Variants in SLC24A4 observed in about 807,000 individuals in gnomAD.
SLC24A4 encodes the protein solute carrier family 24 member 4, also known as sodium/potassium/calcium exchanger 4.
SLC24A4 carries 53 observed loss-of-function variants against 79.0 expected under a neutral mutation model. The observed-to-expected ratio is 0.67, with a 90% CI of 0.54 to 0.84. The LOEUF (loss-of-function observed/expected upper bound fraction) is 0.84. SLC24A4 is among the 40% of genes least tolerant of loss of function. The pLI is 0.00. For synonymous variants in SLC24A4, 323 were observed against 323.8 expected (o/e 1.00, Z 0.03); for missense variants, 731 against 822.0 (o/e 0.89, Z 1.35).
intron 2 of SLC24A4, among the ~76,000 whole-genome samples, chr14:92,383,000 C>T (rs1888940417): frequency 1.3e-5 from 2 of 152,254 alleles, no homozygotes; most frequent in African/African-American, 4.8e-5. Flanking sequence ...TAGTATCTCT[C>T]AGCTTCAGTT....
At chr14:92,477,836 G>A (rs1256879237) in intron 12 of SLC24A4, among the ~76,000 whole-genome samples, 3 of 144,442 alleles carry the variant, frequency 2.1e-5, no homozygotes, top group African/African-American at 7.8e-5. Flanking sequence ...AGGCTGGAGT[G>A]CAGTGGTGTG....
At chr14:92,390,291 C>T (rs1889392945) in intron 2 of SLC24A4, among the ~76,000 whole-genome samples, 1 of 152,094 alleles carries the variant, frequency 6.6e-6, no homozygotes, top group Non-Finnish European at 1.5e-5. Context: ...CACGCCATCT[C>T]GCCTGCATCG....
At chr14:92,464,425 C>T (rs1046375115) in intron 12 of SLC24A4, among the ~76,000 whole-genome samples, 3 of 152,148 alleles carry the variant, frequency 2.0e-5, no homozygotes, top group Admixed American at 1.3e-4. Context: ...CCCGGGACCA[C>T]GTGTCAGGGT....
intron 2 of SLC24A4, among the ~76,000 whole-genome samples, chr14:92,366,712 G>T (rs543019922): frequency 2.0e-5 from 3 of 152,230 alleles, no homozygotes; most frequent in African/African-American, 7.2e-5. Context: ...AATCCACACC[G>T]ATATGGCCTA....
chr14:92,420,146 G>A (rs576201994), intron 2 of SLC24A4, among the ~76,000 whole-genome samples: 135 of 152,266 alleles, frequency 8.9e-4, no homozygotes, highest in Non-Finnish European at 1.7e-3. Context: ...CAACCCTGTC[G>A]ACACTTTGAT....
chr14:92,492,504 C>T (rs1474167715), intron 16 of SLC24A4, among the ~76,000 whole-genome samples: 1 of 152,162 alleles, frequency 6.6e-6, no homozygotes, highest in South Asian at 2.1e-4. Context: ...GGTCCAGTTC[C>T]TCTCTAGTGC....
At chr14:92,395,432 A>AACAAAACAC (rs1889708250) in intron 2 of SLC24A4, among the ~76,000 whole-genome samples, 2 of 144,816 alleles carry the variant, frequency 1.4e-5, no homozygotes, top group African/African-American at 5.1e-5. Flanking sequence ...AACAAAACAA[A>AACAAAACAC]ACACACACAC....
rs764212663 is a variant in SLC24A4, at chr14:92,449,247, A to G, written c.880+31A>G. ...GCTGAGCAGACAGGAGTGGGCAGAAATGTGTCCTGGAAGCCACTCTCTCCT... is the reference window on the plus strand; with the variant it reads ...GCTGAGCAGACAGGAGTGGGCAGAAGTGTGTCCTGGAAGCCACTCTCTCCT... On this transcript the variant is annotated intron_variant, in intron 10 of 16. Coordinates refer to ENST00000532405, the MANE Select transcript of SLC24A4 (RefSeq NM_153646.4). 1.9e-6 allele frequency: 3 copies of G among 1,609,492 alleles called. No individual in the cohort carries two copies. In the African/African-American group the frequency reaches 4.0e-5, roughly 22 times the overall value.
chr14:92,426,147 C>G (rs1174011023), intron 2 of SLC24A4, among the ~76,000 whole-genome samples: 1 of 151,132 alleles, frequency 6.6e-6, no homozygotes, highest in East Asian at 1.9e-4. Context: ...ATTTGTGTCT[C>G]AGTCTGTTTA....
chr14:92,386,595 C>T (rs1198890399), intron 2 of SLC24A4, among the ~76,000 whole-genome samples: 1 of 152,254 alleles, frequency 6.6e-6, no homozygotes, highest in African/African-American at 2.4e-5. Flanking sequence ...CTGCTATTAA[C>T]CAGAATTATT....
intron 2 of SLC24A4, among the ~76,000 whole-genome samples, chr14:92,345,157 A>T (rs553191077): frequency 3.1e-4 from 47 of 152,284 alleles, no homozygotes; most frequent in African/African-American, 1.1e-3. Context: ...TGAGGGCTAC[A>T]TTTGGCCTGC....
chr14:92,458,317 T>C (rs1893600764), intron 12 of SLC24A4, among the ~76,000 whole-genome samples: 1 of 152,160 alleles, frequency 6.6e-6, no homozygotes, highest in South Asian at 2.1e-4. Flanking sequence ...GCCCAGGGGT[T>C]CAGGCCTCCC....
At chr14:92,455,388 G>A (rs1031376931) in intron 11 of SLC24A4, among the ~76,000 whole-genome samples, 6 of 152,198 alleles carry the variant, frequency 3.9e-5, no homozygotes, top group Admixed American at 1.3e-4. Context: ...AAGCCATATC[G>A]TGGGTTATTC....
At chr14:92,341,537 G>A (rs866083957) in intron 2 of SLC24A4, among the ~76,000 whole-genome samples, 2 of 152,182 alleles carry the variant, frequency 1.3e-5, no homozygotes, top group African/African-American at 4.8e-5. Context: ...GCTAAGCATC[G>A]GCAAAGAGAG....
chr14:92,492,362 A>T (rs1895729752), intron 16 of SLC24A4, 122 bp downstream of exon 16: 1 of 913,606 alleles, frequency 1.1e-6, no homozygotes, highest in South Asian at 1.5e-5. Context: ...GGATAAAGGC[A>T]AGAAAATGTA....
At chr14:92,411,748 A>AGATTGAG (rs1377673164) in intron 2 of SLC24A4, among the ~76,000 whole-genome samples, 175 of 152,322 alleles carry the variant, frequency 1.1e-3, no homozygotes, top group African/African-American at 3.9e-3. Flanking sequence ...ATGATTGAGC[A>AGATTGAG]CATACTCTAT....
chr14:92,385,671 C>T (rs1055468170), intron 2 of SLC24A4, among the ~76,000 whole-genome samples: 5 of 152,070 alleles, frequency 3.3e-5, no homozygotes, highest in Admixed American at 6.6e-5. Context: ...TGGTCAAGAT[C>T]GCACAGCTGC....
At chr14:92,351,881 G>T (rs1886900864) in intron 2 of SLC24A4, among the ~76,000 whole-genome samples, 1 of 141,548 alleles carries the variant, frequency 7.1e-6, no homozygotes, top group Non-Finnish European at 1.5e-5. Context: ...AAGAAAAAAG[G>T]AAAGAAGGAA....
At chr14:92,449,356 T>A (rs553502924) in intron 10 of SLC24A4, 140 bp downstream of exon 10, 1 of 1,227,268 alleles carries the variant, frequency 8.1e-7, no homozygotes, top group East Asian at 2.6e-5. Context: ...AAATTGTCAC[T>A]CTCTTACCTT....
Sources: gnomAD v4.1 joint callset for allele counts (sites outside exome capture counted in the v4.1 genomes callset) on GRCh38, gnomAD v4.1.1 for gene constraint, MANE v1.5 for transcripts, NCBI Gene and HGNC (gene_info 2026-07-23, HGNC 2026-07-21) for gene names.